LRRC4C: variants seen among roughly 807,000 people sequenced by gnomAD.
LRRC4C encodes the protein leucine-rich repeat-containing protein 4C.
A neutral mutation model predicts 33.6 loss-of-function variants in LRRC4C; 5 were observed. The ratio of observed to expected loss-of-function variants is 0.15; its 90% CI spans 0.08 to 0.31. LRRC4C has a LOEUF of 0.31. Ranked by LOEUF, LRRC4C falls within the 10% of genes least tolerant of loss-of-function variation. LRRC4C has a pLI of 1.00. For missense variants in LRRC4C, 560 were observed against 796.7 expected, an observed-to-expected ratio of 0.70 and a Z score of 3.58; for synonymous variants, 329 against 302.0, an observed-to-expected ratio of 1.09 and a Z score of -0.93.
At chr11:41,368,810 C>A (rs977629424) in intron 1 of LRRC4C, among the ~76,000 whole-genome samples, 1 of 152,174 alleles carries the variant, frequency 6.6e-6, no homozygotes, top group Non-Finnish European at 1.5e-5. Context: ...CTTTGGAATT[C>A]TTTTCCTATC....
chr11:41,181,821 C>T (rs1945463316), intron 1 of LRRC4C, among the ~76,000 whole-genome samples: 1 of 152,158 alleles, frequency 6.6e-6, no homozygotes, highest in Admixed American at 6.5e-5. Context: ...TGTTTAAAAG[C>T]AAGTCTGATT....
intron 5 of LRRC4C, among the ~76,000 whole-genome samples, chr11:40,226,318 A>G (rs1379727737): frequency 6.6e-6 from 1 of 152,198 alleles, no homozygotes; most frequent in East Asian, 1.9e-4. Context: ...CTGGTTTGCT[A>G]TACAGAAAGG....
rs184153857 is a variant in LRRC4C at position 40,560,493 on chromosome 11, A to T, written c.-270+87649T>A. ...GTTATCTGTATTCTAAGACCCAGTG[A>T]AAGTTCAATTTTCTTTTTTCCCATA... On this transcript the variant is annotated intron_variant, in intron 3 of 6. Coordinates refer to ENST00000528697, the MANE Select transcript of LRRC4C (RefSeq NM_001258419.2). Among the ~76,000 whole-genome samples, 723 of 152,116 alleles carry T rather than the reference A, an allele frequency of 4.8e-3. 6 individuals are homozygous for T. The highest frequency in any genetic ancestry group is 0.017 in the African/African-American group (693 of 41,492).
chr11:40,579,059 C>T (rs768314598), intron 3 of LRRC4C, among the ~76,000 whole-genome samples: 5 of 152,076 alleles, frequency 3.3e-5, no homozygotes, highest in African/African-American at 7.2e-5. Flanking sequence ...ATAAGTCGGC[C>T]GGGCGATGTG....
At chr11:41,021,354 C>T (rs571673429) in intron 1 of LRRC4C, among the ~76,000 whole-genome samples, 1 of 151,974 alleles carries the variant, frequency 6.6e-6, no homozygotes, top group South Asian at 2.1e-4. Flanking sequence ...TCTATTCTAG[C>T]TCTAGAGTTC....
intron 3 of LRRC4C, among the ~76,000 whole-genome samples, chr11:40,332,714 T>C (rs1389811107): frequency 1.3e-5 from 2 of 152,202 alleles, no homozygotes; most frequent in African/African-American, 4.8e-5. Flanking sequence ...TCTGAACACA[T>C]CATCTTCTTT....
intron 1 of LRRC4C, among the ~76,000 whole-genome samples, chr11:41,439,979 C>A (rs564304869): frequency 6.6e-6 from 1 of 152,222 alleles, no homozygotes; most frequent in South Asian, 2.1e-4. Context: ...TTTTCCTGTG[C>A]AAATTTTTAG....
chr11:40,436,862 G>T (rs998235130), intron 3 of LRRC4C, among the ~76,000 whole-genome samples: 2 of 152,070 alleles, frequency 1.3e-5, no homozygotes, highest in African/African-American at 2.4e-5. Flanking sequence ...GAGACCTCTG[G>T]TTGCTTACTG....
intron 5 of LRRC4C, among the ~76,000 whole-genome samples, chr11:40,222,578 C>G (rs1864497355): frequency 6.6e-6 from 1 of 152,200 alleles, no homozygotes; most frequent in Admixed American, 6.5e-5. Flanking sequence ...CCTATTTTCT[C>G]TACCTCTGGG....
chr11:40,710,329 T>C (rs78470334), intron 2 of LRRC4C, among the ~76,000 whole-genome samples: 2 of 152,218 alleles, frequency 1.3e-5, no homozygotes, highest in African/African-American at 2.4e-5. Context: ...TTTGTGGTTT[T>C]ATCTACCTTT....
intron 2 of LRRC4C, among the ~76,000 whole-genome samples, chr11:40,718,536 T>C (rs947334615): frequency 1.3e-5 from 2 of 152,116 alleles, no homozygotes; most frequent in African/African-American, 4.8e-5. Context: ...ATTACAAAGA[T>C]TAGAGGACAC....
intron 2 of LRRC4C, among the ~76,000 whole-genome samples, chr11:40,719,708 T>C (rs1418110681): frequency 6.6e-6 from 1 of 152,162 alleles, no homozygotes; most frequent in Non-Finnish European, 1.5e-5. Context: ...ATAAGGAACA[T>C]TGGAGTAAGA....
chr11:40,829,224 C>A (rs1192418211), intron 2 of LRRC4C, among the ~76,000 whole-genome samples: 1 of 151,900 alleles, frequency 6.6e-6, no homozygotes, highest in Non-Finnish European at 1.5e-5. Flanking sequence ...GGCATCACTG[C>A]CTATGATATT....
At position 40,437,226 on chromosome 11, in the gene LRRC4C, G is replaced by T. The variant is rs76737540; in HGVS notation, c.-269-117505C>A. The stretch of plus-strand genomic sequence containing the variant: ...ATTAAGTGGCCCAAGATAAGGATTA[G>T]GTCAACCTGCATCATTGTTTCACAT... On this transcript the variant is annotated intron_variant, in intron 3 of 6. Transcript: ENST00000528697. Among the ~76,000 whole-genome samples, 66 of 152,058 alleles carry T rather than the reference G, an allele frequency of 4.3e-4. No homozygotes were observed. In the East Asian group the frequency reaches 0.012, roughly 28 times the overall value.
chr11:40,933,058 G>T (rs1433056023), intron 2 of LRRC4C, among the ~76,000 whole-genome samples: 1 of 152,214 alleles, frequency 6.6e-6, no homozygotes, highest in Non-Finnish European at 1.5e-5. Flanking sequence ...AGAGAACTCA[G>T]TGACTGACTT....
chr11:41,029,788 T>C (rs1454422409), intron 1 of LRRC4C, among the ~76,000 whole-genome samples: 1 of 151,852 alleles, frequency 6.6e-6, no homozygotes, highest in Non-Finnish European at 1.5e-5. Flanking sequence ...ACATAGAATA[T>C]TCTAGCACAC....
At chr11:40,118,343 G>A (rs1590414012) in intron 6 of LRRC4C, among the ~76,000 whole-genome samples, 1 of 151,608 alleles carries the variant, frequency 6.6e-6, no homozygotes, top group South Asian at 2.1e-4. Flanking sequence ...CCTTTTTGTT[G>A]TTTCCCTCAG....
chr11:41,065,683 A>C (rs946554889), intron 1 of LRRC4C, among the ~76,000 whole-genome samples: 15 of 152,208 alleles, frequency 9.9e-5, no homozygotes, highest in Non-Finnish European at 1.9e-4. Flanking sequence ...GCAACAGGCC[A>C]GTATCCCTCT....
chr11:40,329,150 A>G (rs1208423968), intron 3 of LRRC4C, among the ~76,000 whole-genome samples: 3 of 152,206 alleles, frequency 2.0e-5, no homozygotes, highest in Admixed American at 6.5e-5. Context: ...ATACACTCTC[A>G]TTATGTATTC....
Sources: allele counts gnomAD v4.1 joint callset (sites outside exome capture counted in the v4.1 genomes callset), GRCh38; gene constraint gnomAD v4.1.1; transcripts MANE v1.5; gene names NCBI Gene and HGNC (gene_info 2026-07-23, HGNC 2026-07-21).